The following DLGAP1 variants were observed in gnomAD, a reference collection of about 807,000 sequenced individuals.
DLGAP1 encodes the protein DLG associated protein 1, also known as disks large-associated protein 1.
A neutral mutation model predicts 90.8 loss-of-function variants in DLGAP1; 11 were observed. The ratio of observed to expected loss-of-function variants is 0.12; its 90% CI spans 0.08 to 0.20. The LOEUF (loss-of-function observed/expected upper bound fraction) is 0.20. DLGAP1 is among the 10% of genes least tolerant of loss of function. The pLI is 1.00. For missense variants in DLGAP1, 1,050 were observed against 1,333.8 expected, an observed-to-expected ratio of 0.79 and a Z score of 3.31; for synonymous variants, 558 against 540.7, an observed-to-expected ratio of 1.03 and a Z score of -0.44.
chr18:4,415,517 T>C (rs1212904507), intron 1 of DLGAP1, among the ~76,000 whole-genome samples: 1 of 152,218 alleles, frequency 6.6e-6, no homozygotes, highest in Non-Finnish European at 1.5e-5. Flanking sequence ...ACATAATTCC[T>C]CATACTGAAT....
chr18:4,269,582 C>A (rs983686439), intron 1 of DLGAP1, among the ~76,000 whole-genome samples: 23 of 152,008 alleles, frequency 1.5e-4, no homozygotes, highest in African/African-American at 5.5e-4. Flanking sequence ...TCTCGATCTC[C>A]TGACCTTGTG....
At chr18:4,372,751 AC>A (rs2081942206) in intron 1 of DLGAP1, among the ~76,000 whole-genome samples, 1 of 151,974 alleles carries the variant, frequency 6.6e-6, no homozygotes, top group African/African-American at 2.4e-5. Flanking sequence ...ACATGGTGAA[AC>A]CCCATCTCTA....
At chr18:4,012,388 C>T (rs1057087663) in intron 2 of DLGAP1, among the ~76,000 whole-genome samples, 7 of 152,142 alleles carry the variant, frequency 4.6e-5, no homozygotes, top group Non-Finnish European at 1.5e-5. Context: ...CACTTCCACA[C>T]AAAGATTCCC....
intron 1 of DLGAP1, among the ~76,000 whole-genome samples, chr18:4,253,732 A>G (rs1343975431): frequency 6.6e-6 from 1 of 152,056 alleles, no homozygotes; most frequent in Admixed American, 6.6e-5. Flanking sequence ...TCAAGACACT[A>G]CCCTTTTATC....
chr18:4,365,096 T>A (rs1013608663), intron 1 of DLGAP1, among the ~76,000 whole-genome samples: 3 of 152,210 alleles, frequency 2.0e-5, no homozygotes, highest in East Asian at 3.8e-4. Context: ...AAGGAATTAA[T>A]CTTCCTTGTG....
At chr18:4,172,908 A>C (rs1459898875) in intron 1 of DLGAP1, among the ~76,000 whole-genome samples, 1 of 152,216 alleles carries the variant, frequency 6.6e-6, no homozygotes, top group Non-Finnish European at 1.5e-5. Context: ...TACAATACTC[A>C]AGGCCAAGTG....
At chr18:4,050,216 T>C (rs570308072) in intron 2 of DLGAP1, among the ~76,000 whole-genome samples, 2 of 152,312 alleles carry the variant, frequency 1.3e-5, no homozygotes, top group South Asian at 4.1e-4. Context: ...CTTTACTCTG[T>C]GGAGGCAAAA....
At chr18:4,169,980 T>C (rs1403119220) in intron 1 of DLGAP1, among the ~76,000 whole-genome samples, 1 of 152,116 alleles carries the variant, frequency 6.6e-6, no homozygotes, top group African/African-American at 2.4e-5. Context: ...TACACTCAGC[T>C]CTGTCAGAAT....
At chr18:4,327,992 A>G (rs1487830202) in intron 1 of DLGAP1, among the ~76,000 whole-genome samples, 1 of 150,526 alleles carries the variant, frequency 6.6e-6, no homozygotes, top group Non-Finnish European at 1.5e-5. Flanking sequence ...GAAAAGACTG[A>G]ATTGTCATAA....
At chr18:4,032,415 T>C (rs1346822697) in intron 2 of DLGAP1, among the ~76,000 whole-genome samples, 1 of 152,036 alleles carries the variant, frequency 6.6e-6, no homozygotes, top group Non-Finnish European at 1.5e-5. Flanking sequence ...CCTTGGTTTT[T>C]CCCCAATAAA....
At chr18:3,757,918 A>G (rs1241726761) in intron 5 of DLGAP1, among the ~76,000 whole-genome samples, 1 of 152,118 alleles carries the variant, frequency 6.6e-6, no homozygotes, top group Non-Finnish European at 1.5e-5. Flanking sequence ...ATTCAAGACC[A>G]GCCTGGCCAA....
At chr18:3,558,058 G>A in intron 9 of DLGAP1, among the ~76,000 whole-genome samples, 1 of 152,176 alleles carries the variant, frequency 6.6e-6, no homozygotes, top group South Asian at 2.1e-4. Flanking sequence ...GTTTATAGAA[G>A]TTAACTATAT....
At chr18:3,900,991 C>T (rs1482795080) in intron 3 of DLGAP1, among the ~76,000 whole-genome samples, 1 of 151,956 alleles carries the variant, frequency 6.6e-6, no homozygotes, top group African/African-American at 2.4e-5. Context: ...CTGCACAAAA[C>T]GGTCTCTATT....
At chr18:3,707,258 T>A (rs1021814410) in intron 7 of DLGAP1, among the ~76,000 whole-genome samples, 16 of 152,154 alleles carry the variant, frequency 1.1e-4, no homozygotes, top group African/African-American at 2.9e-4. Context: ...AAGATCTCTA[T>A]CTTTGGAAGA....
rs149494989 is a variant in DLGAP1 at position 3,781,179 on chromosome 18, A to G, written c.1172+32880T>C. Among the ~76,000 whole-genome samples, 259 of 152,106 alleles carry G rather than the reference A, an allele frequency of 1.7e-3. 2 individuals are homozygous for G. The highest frequency in any genetic ancestry group is 6.8e-3 in the Middle Eastern group (2 of 294). On this transcript the variant is annotated intron_variant, in intron 5 of 12. Coordinates refer to ENST00000315677, the MANE Select transcript of DLGAP1 (RefSeq NM_004746.4). Reference sequence around the variant, plus strand: ...GTTAAAGGTGTGAGATACCAGACATATGATATTATGTATCTTGTTTTTTAA... The same window carrying G: ...GTTAAAGGTGTGAGATACCAGACATGTGATATTATGTATCTTGTTTTTTAA...
intron 3 of DLGAP1, among the ~76,000 whole-genome samples, chr18:3,977,407 T>C (rs1028118359): frequency 1.0e-4 from 15 of 150,708 alleles, no homozygotes; most frequent in Admixed American, 8.0e-4. Flanking sequence ...TGCTGAAATG[T>C]CAGTTAATGA....
chr18:4,329,422 T>C (rs1312880213), intron 1 of DLGAP1, among the ~76,000 whole-genome samples: 1 of 152,008 alleles, frequency 6.6e-6, no homozygotes, highest in African/African-American at 2.4e-5. Context: ...AAATCAAATA[T>C]TGTAAGTTCT....
At chr18:3,977,253 G>T (rs189492413) in intron 3 of DLGAP1, among the ~76,000 whole-genome samples, 1 of 152,046 alleles carries the variant, frequency 6.6e-6, no homozygotes, top group Admixed American at 6.5e-5. Flanking sequence ...TGTATTTTTA[G>T]TAGAGACGGG....
intron 1 of DLGAP1, chr18:4,293,944 A>T (rs1177166201): frequency 6.6e-6 from 1 of 152,184 alleles, no homozygotes; most frequent in Non-Finnish European, 1.5e-5. Context: ...TATCTTTTAA[A>T]CTTGGTATTC....
Sources: gnomAD v4.1 joint callset for allele counts (sites outside exome capture counted in the v4.1 genomes callset) on GRCh38, gnomAD v4.1.1 for gene constraint, MANE v1.5 for transcripts, NCBI Gene and HGNC (gene_info 2026-07-23, HGNC 2026-07-21) for gene names.